The following CLIC5 variants were observed in gnomAD, a reference collection of about 807,000 sequenced individuals.
CLIC5 encodes the protein chloride intracellular channel protein 5.
A neutral mutation model predicts 24.7 loss-of-function variants in CLIC5; 20 were observed. The observed-to-expected ratio is 0.81, with a 90% CI of 0.57 to 1.18. The LOEUF (loss-of-function observed/expected upper bound fraction) is 1.18. Among genes scored for constraint, CLIC5 ranks in the 50% most tolerant of loss-of-function variants. The probability of loss-of-function intolerance (pLI) is 0.00; values close to 1 mark genes in which losing one functional copy is unlikely to be tolerated. For synonymous variants in CLIC5, 159 were observed against 135.6 expected (o/e 1.17, Z -1.20); for missense variants, 341 against 326.1 (o/e 1.05, Z -0.35).
At chr6:45,888,517 G>A (rs749349734) in intron 6 of CLIC5, among the ~76,000 whole-genome samples, 1 of 152,138 alleles carries the variant, frequency 6.6e-6, no homozygotes, top group Non-Finnish European at 1.5e-5. Context: ...TGGAAGAGAA[G>A]CACATGGCCA....
chr6:46,011,855 TCTCATTTACTCTCAAAATATCC>T (rs1327412793), intron 1 of CLIC5, among the ~76,000 whole-genome samples: 1 of 152,184 alleles, frequency 6.6e-6, no homozygotes, highest in African/African-American at 2.4e-5. Context: ...CTACATATTA[TCTCATTTACTCTCAAAATATCC>T]CTGCAAGTGA....
chr6:46,051,180 T>C (rs1265598897), intron 1 of CLIC5, among the ~76,000 whole-genome samples: 1 of 152,220 alleles, frequency 6.6e-6, no homozygotes, highest in African/African-American at 2.4e-5. Context: ...TGTAAGCTCC[T>C]TCAGGATAGA....
At chr6:46,027,706 G>A (rs1426633581) in intron 1 of CLIC5, among the ~76,000 whole-genome samples, 1 of 152,118 alleles carries the variant, frequency 6.6e-6, no homozygotes, top group Non-Finnish European at 1.5e-5. Context: ...GCACTCCTGT[G>A]TATAAAAGAT....
At chr6:45,989,567 G>T (rs1211811516) in intron 1 of CLIC5, among the ~76,000 whole-genome samples, 4 of 152,154 alleles carry the variant, frequency 2.6e-5, no homozygotes, top group Non-Finnish European at 4.4e-5. Context: ...ACGTTAATAA[G>T]CACGTAAGTC....
At chr6:45,969,868 G>A (rs76546407) in intron 1 of CLIC5, among the ~76,000 whole-genome samples, 26 of 141,942 alleles carry the variant, frequency 1.8e-4, no homozygotes, top group East Asian at 2.1e-4. Flanking sequence ...ACACTCCTAC[G>A]ACAGGTCCTG....
intron 6 of CLIC5, among the ~76,000 whole-genome samples, chr6:45,884,601 G>A (rs1762288604): frequency 6.6e-6 from 1 of 152,186 alleles, no homozygotes; most frequent in African/African-American, 2.4e-5. Context: ...TGGCAAAGGA[G>A]AATGCAGCAG....
At chr6:45,995,108 C>G (rs1234709262) in intron 1 of CLIC5, among the ~76,000 whole-genome samples, 1 of 152,110 alleles carries the variant, frequency 6.6e-6, no homozygotes, top group Admixed American at 6.5e-5. Flanking sequence ...ACCCCAGATA[C>G]CAGGCAGGCC....
chr6:46,051,392 A>G (rs1768097913), intron 1 of CLIC5, among the ~76,000 whole-genome samples: 1 of 152,248 alleles, frequency 6.6e-6, no homozygotes, highest in South Asian at 2.1e-4. Flanking sequence ...GTTGGTTCAA[A>G]TGACATCTAA....
intron 4 of CLIC5, chr6:45,937,347 C>A (rs189431161): frequency 2.6e-5 from 4 of 152,156 alleles, no homozygotes; most frequent in Admixed American, 6.5e-5. Flanking sequence ...GTTTTACATG[C>A]GCTGAGTTAT....
chr6:45,960,489 C>T (rs1764809783), intron 1 of CLIC5, among the ~76,000 whole-genome samples: 2 of 152,196 alleles, frequency 1.3e-5, no homozygotes, highest in African/African-American at 4.8e-5. Context: ...GGCTTTCTTG[C>T]TGGCTGTGGT....
intron 1 of CLIC5, among the ~76,000 whole-genome samples, chr6:45,962,783 G>T (rs946279964): frequency 1.3e-5 from 2 of 152,192 alleles, no homozygotes; most frequent in Non-Finnish European, 2.9e-5. Context: ...AGGATCCAGT[G>T]GTGCCTTTGA....
chr6:45,928,097 C>T (rs751544075), intron 4 of CLIC5, among the ~76,000 whole-genome samples: 9 of 152,162 alleles, frequency 5.9e-5, no homozygotes, highest in Non-Finnish European at 1.3e-4. Context: ...TCCTGCAAGA[C>T]GGCGCTGGAG....
At chr6:45,884,018 CAAT>C (rs1762283324) in intron 6 of CLIC5, among the ~76,000 whole-genome samples, 2 of 152,148 alleles carry the variant, frequency 1.3e-5, no homozygotes, top group South Asian at 4.1e-4. Flanking sequence ...CAAGTAACAA[CAAT>C]AATAAGAGAT....
At chr6:46,117,032 C>G in the CLIC5 span, among the ~76,000 whole-genome samples, 4 of 152,162 alleles carry the variant, frequency 2.6e-5, no homozygotes, top group Non-Finnish European at 5.9e-5. Context: ...TCAACACATT[C>G]AAAGTTCAAT....
At chr6:46,119,982 C>T in the CLIC5 span, among the ~76,000 whole-genome samples, 2 of 152,216 alleles carry the variant, frequency 1.3e-5, no homozygotes, top group Admixed American at 1.3e-4. Flanking sequence ...GGCCTGCCTG[C>T]CTCTGTAGAC....
intron 1 of CLIC5, among the ~76,000 whole-genome samples, chr6:45,983,968 T>A (rs1765648816): frequency 6.6e-6 from 1 of 152,136 alleles, no homozygotes; most frequent in South Asian, 2.1e-4. Context: ...ACTGCTGTAG[T>A]CCCAGCACTA....
intron 1 of CLIC5, among the ~76,000 whole-genome samples, chr6:46,036,875 C>G (rs935303431): frequency 2.0e-5 from 3 of 152,162 alleles, no homozygotes; most frequent in Non-Finnish European, 4.4e-5. Context: ...AGAATCACTG[C>G]ACTCCAAATT....
the CLIC5 span, among the ~76,000 whole-genome samples, chr6:46,112,334 T>C: frequency 6.6e-6 from 1 of 152,216 alleles, no homozygotes; most frequent in African/African-American, 2.4e-5. Context: ...ATCTATTTTC[T>C]CTAAGAGCTT....
intron 1 of CLIC5, among the ~76,000 whole-genome samples, chr6:46,073,731 T>A (rs1762687169): frequency 6.6e-6 from 1 of 152,246 alleles, no homozygotes; most frequent in Non-Finnish European, 1.5e-5. Context: ...GCTCTTCACC[T>A]ATGTGGGCCT....
Sources: gnomAD v4.1 joint callset for allele counts (sites outside exome capture counted in the v4.1 genomes callset) on GRCh38, gnomAD v4.1.1 for gene constraint, MANE v1.5 for transcripts, NCBI Gene and HGNC (gene_info 2026-07-23, HGNC 2026-07-21) for gene names.